The following SHISA9 variants were observed in gnomAD, a reference collection of about 807,000 sequenced individuals.
The protein encoded by SHISA9 is shisa family member 9.
SHISA9 carries 13 observed loss-of-function variants against 38.0 expected under a neutral mutation model. That is an observed-to-expected ratio of 0.34 (90% CI 0.22 to 0.54). The LOEUF (loss-of-function observed/expected upper bound fraction) is 0.54, where lower values mean the gene tolerates loss of function less well. Ranked by LOEUF, SHISA9 falls within the 20% of genes least tolerant of loss-of-function variation. The pLI is 0.91. For missense variants in SHISA9, 538 were observed against 575.8 expected (o/e 0.93, Z 0.67); for synonymous variants, 275 against 242.0 (o/e 1.14, Z -1.27).
At chr16:13,161,021 C>T (rs1162258815) in intron 2 of SHISA9, among the ~76,000 whole-genome samples, 4 of 152,228 alleles carry the variant, frequency 2.6e-5, no homozygotes, top group African/African-American at 9.6e-5. Context: ...GGCATTTGAA[C>T]CAAAGCTTTA....
chr16:13,102,312 A>G (rs1017314408), intron 2 of SHISA9, among the ~76,000 whole-genome samples: 4 of 152,220 alleles, frequency 2.6e-5, no homozygotes, highest in African/African-American at 9.6e-5. Context: ...CACAGGATAG[A>G]GCAGCCTTCA....
At chr16:13,013,917 GACGGGGTTTC>G (rs948302669) in intron 2 of SHISA9, among the ~76,000 whole-genome samples, 5 of 152,016 alleles carry the variant, frequency 3.3e-5, no homozygotes, top group African/African-American at 9.7e-5. Flanking sequence ...TTTTAGTAGA[GACGGGGTTTC>G]ACCATGTTAG....
At chr16:13,408,202 CTT>C in the SHISA9 span, among the ~76,000 whole-genome samples, 1 of 152,088 alleles carries the variant, frequency 6.6e-6, no homozygotes, top group East Asian at 1.9e-4. Flanking sequence ...TTTTTACACA[CTT>C]GTGGGGTATG....
chr16:13,126,089 C>T (rs888435948), intron 2 of SHISA9, among the ~76,000 whole-genome samples: 1 of 152,190 alleles, frequency 6.6e-6, no homozygotes, highest in African/African-American at 2.4e-5. Flanking sequence ...TACTGGCAAT[C>T]CCTTAGTTTC....
intron 2 of SHISA9, among the ~76,000 whole-genome samples, chr16:13,117,412 C>T (rs538548787): frequency 6.6e-6 from 1 of 152,060 alleles, no homozygotes; most frequent in East Asian, 1.9e-4. Flanking sequence ...TGGTGACCTT[C>T]CAGAAATTCC....
At chr16:12,927,462 G>C (rs1354659880) in intron 2 of SHISA9, among the ~76,000 whole-genome samples, 1 of 152,126 alleles carries the variant, frequency 6.6e-6, no homozygotes, top group Non-Finnish European at 1.5e-5. Flanking sequence ...GCAGTGGTGA[G>C]ATCACAGCTC....
the SHISA9 span, among the ~76,000 whole-genome samples, chr16:13,316,449 C>T: frequency 5.9e-5 from 9 of 152,160 alleles, no homozygotes; most frequent in South Asian, 2.1e-4. Flanking sequence ...TCAGGTCAGA[C>T]GCAAACCCAT....
At chr16:13,399,696 C>G in the SHISA9 span, among the ~76,000 whole-genome samples, 1 of 152,328 alleles carries the variant, frequency 6.6e-6, no homozygotes, top group Admixed American at 6.5e-5. Flanking sequence ...CTAAATGTGG[C>G]TATGGTCTTC....
At chr16:13,020,765 A>G (rs2072842672) in intron 2 of SHISA9, among the ~76,000 whole-genome samples, 1 of 152,204 alleles carries the variant, frequency 6.6e-6, no homozygotes, top group Non-Finnish European at 1.5e-5. Context: ...ATACTAAATG[A>G]TACCAGACCT....
At chr16:13,448,508 A>T in the SHISA9 span, among the ~76,000 whole-genome samples, 1 of 152,306 alleles carries the variant, frequency 6.6e-6, no homozygotes, top group Non-Finnish European at 1.5e-5. Flanking sequence ...CCAGAATGAG[A>T]TAAGAGGTGA....
At chr16:13,037,348 C>T (rs896150267) in intron 2 of SHISA9, among the ~76,000 whole-genome samples, 5 of 151,842 alleles carry the variant, frequency 3.3e-5, no homozygotes, top group African/African-American at 9.7e-5. Context: ...AATTACTTGT[C>T]AGGAAGCTTT....
chr16:13,536,536 A>AAT, the SHISA9 span, among the ~76,000 whole-genome samples: 2 of 152,230 alleles, frequency 1.3e-5, no homozygotes, highest in Admixed American at 1.3e-4. Context: ...TAACATAGAG[A>AAT]TAAGCATAAA....
the SHISA9 span, among the ~76,000 whole-genome samples, chr16:13,434,419 G>GTTTTTTTTTTTTTTTTTTTTTTTTTTTT: frequency 1.4e-4 from 9 of 64,554 alleles, no homozygotes; most frequent in Admixed American, 3.7e-4. Flanking sequence ...GACAAGCTAT[G>GTTTTTTTTTTTTTTTTTTTTTTTTTTTT]TTTTTTTTTT....
chr16:13,545,164 T>A, the SHISA9 span, among the ~76,000 whole-genome samples: 2 of 152,250 alleles, frequency 1.3e-5, no homozygotes, highest in Non-Finnish European at 2.9e-5. Flanking sequence ...GTTTTTACCA[T>A]TGAGAAAAGA....
chr16:13,260,201 A>G, the SHISA9 span, among the ~76,000 whole-genome samples: 1 of 151,120 alleles, frequency 6.6e-6, no homozygotes, highest in Non-Finnish European at 1.5e-5. Context: ...TATTTTTAGT[A>G]GAGATGGGGT....
intron 2 of SHISA9, among the ~76,000 whole-genome samples, chr16:13,095,434 C>T (rs2073815326): frequency 6.6e-6 from 1 of 152,178 alleles, no homozygotes; most frequent in Non-Finnish European, 1.5e-5. Context: ...ATTAGAGGGG[C>T]CATACCCATG....
At chr16:13,341,425 G>A in the SHISA9 span, among the ~76,000 whole-genome samples, 1 of 151,994 alleles carries the variant, frequency 6.6e-6, no homozygotes, top group African/African-American at 2.4e-5. Context: ...CTTTCATGCT[G>A]CTGTAAGGAG....
the SHISA9 span, among the ~76,000 whole-genome samples, chr16:13,271,776 G>T: frequency 3.9e-5 from 6 of 151,966 alleles, no homozygotes; most frequent in Non-Finnish European, 2.9e-5. Context: ...CTTATGGGGG[G>T]GGTGTGTGTG....
intron 2 of SHISA9, among the ~76,000 whole-genome samples, chr16:12,945,916 C>G (rs2071683002): frequency 1.3e-5 from 2 of 152,192 alleles, no homozygotes. Context: ...GAGTTTGAGA[C>G]TAGCCTGGCC....
Sources: gnomAD v4.1 joint callset for allele counts (sites outside exome capture counted in the v4.1 genomes callset) on GRCh38, gnomAD v4.1.1 for gene constraint, MANE v1.5 for transcripts, NCBI Gene and HGNC (gene_info 2026-07-23, HGNC 2026-07-21) for gene names.